Variants in WWC1 observed in about 807,000 individuals in gnomAD.
The protein encoded by WWC1 is protein KIBRA.
A neutral mutation model predicts 138.4 loss-of-function variants in WWC1; 55 were observed. That is an observed-to-expected ratio of 0.40 (90% CI 0.32 to 0.50). The LOEUF (loss-of-function observed/expected upper bound fraction) is 0.50, where lower values mean the gene tolerates loss of function less well. WWC1 is among the 20% of genes least tolerant of loss of function. The pLI is 0.72. For missense variants in WWC1, 1,226 were observed against 1,420.4 expected, an observed-to-expected ratio of 0.86 and a Z score of 2.20; for synonymous variants, 524 against 564.9, an observed-to-expected ratio of 0.93 and a Z score of 1.03.
chr5:168,452,860 T>C (rs1256030914), intron 17 of WWC1, among the ~76,000 whole-genome samples: 2 of 152,104 alleles, frequency 1.3e-5, no homozygotes, highest in Non-Finnish European at 2.9e-5. Flanking sequence ...CTACCCTGGG[T>C]GCATTTAAAG....
At chr5:168,309,760 A>G (rs1770901410) in intron 1 of WWC1, among the ~76,000 whole-genome samples, 1 of 151,590 alleles carries the variant, frequency 6.6e-6, no homozygotes, top group Admixed American at 6.6e-5. Context: ...CTGTCTTAGT[A>G]GAACATGGAG....
chr5:168,347,775 A>T (rs1461568298), intron 1 of WWC1, among the ~76,000 whole-genome samples: 1 of 152,162 alleles, frequency 6.6e-6, no homozygotes, highest in Non-Finnish European at 1.5e-5. Context: ...CCAAAAAAAA[A>T]ATCCCTATAT....
chr5:168,411,839 C>T (rs534780130), intron 8 of WWC1: 3 of 310,156 alleles, frequency 9.7e-6, no homozygotes, highest in South Asian at 1.3e-4. Flanking sequence ...TCTAGGCATG[C>T]GTCGTGTTTC....
chr5:168,440,593 C>T (rs1754657748), intron 15 of WWC1, among the ~76,000 whole-genome samples: 1 of 152,142 alleles, frequency 6.6e-6, no homozygotes, highest in African/African-American at 2.4e-5. Context: ...CTCATCTCAC[C>T]TGCAACCTCC....
chr5:168,305,128 ATTTT>A (rs35062575), intron 1 of WWC1, among the ~76,000 whole-genome samples: 8 of 136,272 alleles, frequency 5.9e-5, no homozygotes, highest in African/African-American at 1.4e-4. Context: ...CTGGCCCAGT[ATTTT>A]TTTTTTTTTT....
At chr5:168,385,851 A>G (rs934062666) in intron 3 of WWC1, among the ~76,000 whole-genome samples, 4 of 152,172 alleles carry the variant, frequency 2.6e-5, no homozygotes, top group African/African-American at 9.7e-5. Context: ...TGTTGAATAT[A>G]TTTACCGCAA....
intron 2 of WWC1, among the ~76,000 whole-genome samples, chr5:168,382,314 A>G (rs1291122693): frequency 2.0e-5 from 3 of 152,214 alleles, no homozygotes; most frequent in Non-Finnish European, 2.9e-5. Context: ...ACAAAAATTC[A>G]TGTATAATCA....
chr5:168,336,571 C>CAAAAAAAAA (rs57339649), intron 1 of WWC1, among the ~76,000 whole-genome samples: 2 of 58,026 alleles, frequency 3.4e-5, no homozygotes, highest in African/African-American at 5.4e-5. Flanking sequence ...GACTCTGTCT[C>CAAAAAAAAA]AAAAAAAAAA....
intron 1 of WWC1, among the ~76,000 whole-genome samples, chr5:168,307,901 T>C (rs938980746): frequency 5.9e-5 from 9 of 152,130 alleles, no homozygotes; most frequent in African/African-American, 1.7e-4. Flanking sequence ...TGGGCCACCA[T>C]GCCCGGCCAA....
Position 168,437,632 on chromosome 5 carries a change from G to T in WWC1, c.2281-4050G>T, listed in dbSNP as rs985729094. On this transcript the variant is annotated intron_variant, in intron 15 of 22. Coordinates refer to ENST00000265293, the MANE Select transcript of WWC1 (RefSeq NM_015238.3). ...ACATAAGACTTCTCAGCAGATTTTT[G>T]TGTGTTGAATAAATGAATGAATGAA... Among the ~76,000 whole-genome samples the T allele has an allele frequency of 1.4e-4, 22 of 152,252 alleles. 1 individual carries two copies. Among genetic ancestry groups the T allele is most frequent in the African/African-American group, 5.3e-4 (22 of 41,542 alleles).
intron 1 of WWC1, among the ~76,000 whole-genome samples, chr5:168,293,228 C>CCCGGACCTAGAGT (rs1297522745): frequency 6.6e-6 from 1 of 152,200 alleles, no homozygotes; most frequent in African/African-American, 2.4e-5. Context: ...TCACCCTCTC[C>CCCGGACCTAGAGT]ATGTATGTCC....
intron 1 of WWC1, among the ~76,000 whole-genome samples, chr5:168,293,007 C>T (rs1769200620): frequency 1.3e-5 from 2 of 152,192 alleles, no homozygotes. Context: ...TTTCTCCTCT[C>T]TTTCTTCCCT....
chr5:168,433,013 C>T (rs1334390357), intron 15 of WWC1, among the ~76,000 whole-genome samples: 1 of 152,226 alleles, frequency 6.6e-6, no homozygotes, highest in Middle Eastern at 3.2e-3. Flanking sequence ...CTATAAAACC[C>T]TTCTCTATCA....
intron 16 of WWC1, 150 bp downstream of exon 16, chr5:168,441,984 T>G: frequency 3.3e-6 from 4 of 1,205,538 alleles, no homozygotes; most frequent in Non-Finnish European, 4.4e-6. Flanking sequence ...GAAGGAGAGA[T>G]CTCCACTAAG....
At position 168,291,851 on chromosome 5, in the gene WWC1, TCG is replaced by T. The variant is rs1302300425; in HGVS notation, c.-301_-300del. 6.8e-6 allele frequency: 1 copy of T among 148,106 alleles called. No individual in the cohort carries two copies. Among genetic ancestry groups the T allele is most frequent in the Non-Finnish European group, 1.5e-5 (1 of 66,512 alleles). 9.2% of individuals were successfully genotyped at this position (148,106 alleles called of 1,614,324 possible). A position where few individuals can be genotyped will look rare whatever the true frequency, so the allele number is the denominator to read the frequency against. The stretch of plus-strand genomic sequence containing the variant: ...GGGCAGACGGCGGCGGCGGCGGCGC[TCG>T]GCTCGCTCTGCCCGGCCGGCTGGGC... On this transcript the variant is annotated 5_prime_UTR_variant, in exon 1 of 23. Transcript: ENST00000265293.
At chr5:168,434,266 C>T (rs922060385) in intron 15 of WWC1, among the ~76,000 whole-genome samples, 5 of 152,206 alleles carry the variant, frequency 3.3e-5, no homozygotes, top group Non-Finnish European at 7.3e-5. Flanking sequence ...TCTCTGCCTG[C>T]GGCCAATGGG....
intron 1 of WWC1, among the ~76,000 whole-genome samples, chr5:168,356,007 T>G (rs1775382501): frequency 6.6e-6 from 1 of 152,050 alleles, no homozygotes; most frequent in African/African-American, 2.4e-5. Flanking sequence ...CTATTGTGAT[T>G]TAGGGGCTTC....
At chr5:168,385,532 A>C in intron 3 of WWC1, 118 bp downstream of exon 3, 2 of 1,037,746 alleles carry the variant, frequency 1.9e-6, no homozygotes, top group South Asian at 3.2e-5. Context: ...TCTTTGTCCA[A>C]ACCACCATCT....
Position 168,471,420 on chromosome 5 carries a change from A to G in WWC1, c.*2403A>G, listed in dbSNP as rs964953451. On this transcript the variant is annotated 3_prime_UTR_variant, in exon 23 of 23. Transcript: ENST00000265293. Reference sequence around the variant, plus strand: ...TCGTAATGTCTTCATATGAGTATCAATCAACACCTTCCCCAACTCAATTGT... The same window carrying G: ...TCGTAATGTCTTCATATGAGTATCAGTCAACACCTTCCCCAACTCAATTGT... 6.6e-6 allele frequency: 1 copy of G among 152,264 alleles called. No homozygotes were observed. Among genetic ancestry groups the G allele is most frequent in the Admixed American group, 6.5e-5 (1 of 15,274 alleles). The allele number at this position is 152,264 out of a possible 1,614,324, so 9.4% of individuals were successfully genotyped here.
Sources: allele counts gnomAD v4.1 joint callset (sites outside exome capture counted in the v4.1 genomes callset), GRCh38; gene constraint gnomAD v4.1.1; transcripts MANE v1.5; gene names NCBI Gene and HGNC (gene_info 2026-07-23, HGNC 2026-07-21).